Variants in SLC30A9 observed in about 807,000 individuals in gnomAD.
SLC30A9 encodes solute carrier family 30 member 9.
A neutral mutation model predicts 87.5 loss-of-function variants in SLC30A9; 58 were observed. The observed-to-expected ratio is 0.66, with a 90% CI of 0.54 to 0.82. SLC30A9 has a LOEUF of 0.82. SLC30A9 is among the 40% of genes least tolerant of loss of function. The pLI is 0.00. For missense variants in SLC30A9, 557 were observed against 679.1 expected (o/e 0.82, Z 2.00); for synonymous variants, 234 against 233.0 (o/e 1.00, Z -0.04).
At chr4:42,015,878 A>G (rs1715698798) in intron 2 of SLC30A9, among the ~76,000 whole-genome samples, 1 of 152,120 alleles carries the variant, frequency 6.6e-6, no homozygotes, top group East Asian at 1.9e-4. Context: ...AAAAATACAC[A>G]AATACCTACA....
At chr4:42,000,577 A>C (rs1714938550) in intron 1 of SLC30A9, among the ~76,000 whole-genome samples, 1 of 152,108 alleles carries the variant, frequency 6.6e-6, no homozygotes, top group African/African-American at 2.4e-5. Flanking sequence ...TCTAGGCCGG[A>C]AACTTGAGTG....
rs754077839 is a variant in SLC30A9, at chr4:42,035,291, A to G, written c.627A>G (p.Gln209=). The change falls in exon 7 of 18, where the codon CAA becomes CAG. Residue 209 remains glutamine, a synonymous_variant. Transcript: ENST00000264451. The stretch of plus-strand genomic sequence containing the variant: ...TTCTTACAGGGCTATTTAGAAACCA[A>G]AAAATATTAAGAGAATACAGAGATT... ...IEYRERLFRN[Q]KILREYRDFL... The G allele has an allele frequency of 5.6e-6, 9 of 1,602,506 alleles. No homozygotes were observed. The Admixed American group carries it at 1.0e-4, about 18-fold the overall frequency.
In SLC30A9 at chr4:42,012,550, G is replaced by A. The variant is rs141772387; in HGVS notation, c.275-5561G>A. Among the ~76,000 whole-genome samples, 83 of 152,220 alleles carry A rather than the reference G, an allele frequency of 5.5e-4. No homozygotes were observed. The Middle Eastern group carries it at 0.017, about 31-fold the overall frequency. ...TACGGGCATGCAATGTGAAATAAGC[G>A]CGTGATGGAGAATGGGGTATCCATC... On this transcript the variant is annotated intron_variant, in intron 2 of 17. Coordinates refer to ENST00000264451, the MANE Select transcript of SLC30A9 (RefSeq NM_006345.4).
rs553789237 is a variant in SLC30A9, at chr4:42,051,279, T to C, written c.840+1800T>C. Among the ~76,000 whole-genome samples the C allele has an allele frequency of 4.6e-5, 7 of 152,320 alleles. No individual in the cohort carries two copies. In the South Asian group the frequency reaches 1.4e-3, roughly 32 times the overall value. On this transcript the variant is annotated intron_variant, in intron 9 of 17. Transcript: ENST00000264451. Reference sequence around the variant, plus strand: ...CTAAAGGATCAAGCTGATCTTCAAATAATTTAATCACTTGCCAGAACAAAG... The same window carrying C: ...CTAAAGGATCAAGCTGATCTTCAAACAATTTAATCACTTGCCAGAACAAAG...
intron 6 of SLC30A9, chr4:42,029,715 A>G: frequency 1.4e-6 from 1 of 737,248 alleles, no homozygotes; most frequent in East Asian, 2.5e-5. Flanking sequence ...CAAAACTTAC[A>G]GCTACGAAGA....
chr4:42,004,664 C>CT lies in SLC30A9; in HGVS notation c.274+2897dup, dbSNP rs71198699. Among the ~76,000 whole-genome samples, 134 of 128,322 alleles carry CT rather than the reference C, an allele frequency of 1.0e-3. 2 individuals carry two copies. The highest frequency in any genetic ancestry group is 2.6e-3 in the African/African-American group (90 of 34,000). The allele number at this position is 128,322 out of a possible 152,430, so 84.2% of individuals were successfully genotyped here. On this transcript the variant is annotated intron_variant, in intron 2 of 17. Transcript: ENST00000264451. ...ATATTTTCCTTTTTTTTTTCTTTTT[C>CT]TTTTTTTTTTTTTGAGACCAAGTCT...
At chr4:42,055,655 A>G (rs984350552) in intron 9 of SLC30A9, among the ~76,000 whole-genome samples, 2 of 152,226 alleles carry the variant, frequency 1.3e-5, no homozygotes, top group African/African-American at 2.4e-5. Flanking sequence ...TGCACATCGT[A>G]TCATTTAATA....
chr4:42,090,269 A>G lies in SLC30A9; in HGVS notation c.*4143A>G, dbSNP rs1265222510. ...ATGGAACTTTGGAAGCCATTTATAT[A>G]GATTAGTCTGACAGCCTTTATATTT... is the stretch of plus-strand genomic sequence containing the variant. On this transcript the variant is annotated 3_prime_UTR_variant, in exon 18 of 18. Coordinates refer to ENST00000264451, the MANE Select transcript of SLC30A9 (RefSeq NM_006345.4). The G allele has an allele frequency of 3.3e-5, 5 of 152,238 alleles. No individual in the cohort carries two copies. Among genetic ancestry groups the G allele is most frequent in the African/African-American group, 1.2e-4 (5 of 41,468 alleles). 9.4% of individuals were successfully genotyped at this position (152,238 alleles called of 1,614,324 possible).
At chr4:42,004,948 C>T (rs868650701) in intron 2 of SLC30A9, among the ~76,000 whole-genome samples, 4 of 151,972 alleles carry the variant, frequency 2.6e-5, no homozygotes, top group African/African-American at 4.8e-5. Flanking sequence ...GCCACTATAC[C>T]GGCCATATTT....
rs368475697 is a variant in SLC30A9, at chr4:42,060,287, A to G, written c.896+41A>G. Reference sequence around the variant, plus strand: ...TATTTTGTTTTTGTTTGTTTTGGCGATAAGTCATTGAAATAACTAAATATC... The same window carrying G: ...TATTTTGTTTTTGTTTGTTTTGGCGGTAAGTCATTGAAATAACTAAATATC... On this transcript the variant is annotated intron_variant, in intron 10 of 17. Transcript: ENST00000264451. The G allele has an allele frequency of 3.4e-6, 5 of 1,452,780 alleles. No individual in the cohort carries two copies. Among genetic ancestry groups the G allele is most frequent in the Non-Finnish European group, 3.9e-6 (4 of 1,035,224 alleles). The allele number at this position is 1,452,780 out of a possible 1,614,324, so 90.0% of individuals were successfully genotyped here.
intron 17 of SLC30A9, among the ~76,000 whole-genome samples, chr4:42,084,181 GATT>G (rs1181461473): frequency 6.6e-6 from 1 of 152,086 alleles, no homozygotes; most frequent in Non-Finnish European, 1.5e-5. Flanking sequence ...GAACTGAAAA[GATT>G]ATAACAGAAA....
intron 6 of SLC30A9, among the ~76,000 whole-genome samples, chr4:42,030,500 A>G (rs1054083032): frequency 5.9e-5 from 9 of 151,280 alleles, no homozygotes; most frequent in Middle Eastern, 3.4e-3. Flanking sequence ...GCCATGTGTT[A>G]TCGTATCTGT....
At chr4:42,042,512 T>G (rs1271641900) in intron 8 of SLC30A9, among the ~76,000 whole-genome samples, 1 of 152,202 alleles carries the variant, frequency 6.6e-6, no homozygotes, top group Non-Finnish European at 1.5e-5. Context: ...GTAGCCAGAC[T>G]GCCTCTCTAG....
chr4:42,044,145 C>T (rs1212603931), intron 8 of SLC30A9, among the ~76,000 whole-genome samples: 2 of 152,116 alleles, frequency 1.3e-5, no homozygotes, highest in Non-Finnish European at 2.9e-5. Flanking sequence ...AAAGAAACTG[C>T]ATCAACTAAT....
chr4:42,027,532 C>T (rs1716247613), intron 6 of SLC30A9, among the ~76,000 whole-genome samples: 1 of 150,850 alleles, frequency 6.6e-6, no homozygotes, highest in Non-Finnish European at 1.5e-5. Context: ...TAGTGTTGTG[C>T]TTTTAAGTCA....
Position 42,006,376 on chromosome 4 carries a change from C to T in SLC30A9, c.274+4596C>T, listed in dbSNP as rs568190761. ...AGATTTCCATAAGGAAATGATACCTCCTTGGAGACATGAAAGAAAAGTAGG... is the reference window on the plus strand; with the variant it reads ...AGATTTCCATAAGGAAATGATACCTTCTTGGAGACATGAAAGAAAAGTAGG... On this transcript the variant is annotated intron_variant, in intron 2 of 17. Transcript: ENST00000264451. Among the ~76,000 whole-genome samples the T allele has an allele frequency of 1.2e-3, 178 of 152,178 alleles. 3 individuals carry two copies. Among genetic ancestry groups the T allele is most frequent in the African/African-American group, 4.1e-3 (172 of 41,522 alleles).
intron 17 of SLC30A9, among the ~76,000 whole-genome samples, chr4:42,080,911 A>G (rs141123937): frequency 0.014 from 2,183 of 152,350 alleles, 23 homozygotes; most frequent in Middle Eastern, 0.024. Flanking sequence ...AAGTACTTAG[A>G]TCTTTCAGAT....
intron 15 of SLC30A9, among the ~76,000 whole-genome samples, chr4:42,075,051 ATATATATATTTTTTTTTTTT>A (rs1718484421): frequency 8.3e-5 from 2 of 24,062 alleles, no homozygotes; most frequent in African/African-American, 1.7e-4. Flanking sequence ...ATATATATAT[ATATATATATTTTTTTTTTTT>A]TTTTTTTTTT....
intron 14 of SLC30A9, among the ~76,000 whole-genome samples, chr4:42,068,993 TAGTCTG>T (rs1468212101): frequency 6.6e-6 from 1 of 152,224 alleles, no homozygotes; most frequent in Non-Finnish European, 1.5e-5. Context: ...TTTCTTCAAA[TAGTCTG>T]AAATATGAAT....
Sources: gnomAD v4.1 joint callset for allele counts (sites outside exome capture counted in the v4.1 genomes callset) on GRCh38, gnomAD v4.1.1 for gene constraint, MANE v1.5 for transcripts, NCBI Gene and HGNC (gene_info 2026-07-23, HGNC 2026-07-21) for gene names.